The following RNF220 variants were observed in gnomAD, a reference collection of about 807,000 sequenced individuals.
RNF220 encodes E3 ubiquitin-protein ligase RNF220.
In RNF220, 7 loss-of-function variants were observed where a neutral mutation model predicts 67.1. The ratio of observed to expected loss-of-function variants is 0.10; its 90% CI spans 0.06 to 0.20. The LOEUF (loss-of-function observed/expected upper bound fraction) is 0.20, where lower values mean the gene tolerates loss of function less well. Among genes scored for constraint, RNF220 ranks in the 10% least tolerant of loss-of-function variants. The pLI, the probability that RNF220 is intolerant of heterozygous loss-of-function variation, is 1.00. For synonymous variants in RNF220, 270 were observed against 283.2 expected, an observed-to-expected ratio of 0.95 and a Z score of 0.47; for missense variants, 565 against 740.3, an observed-to-expected ratio of 0.76 and a Z score of 2.75.
At chr1:44,562,855 C>G (rs1440439955) in intron 2 of RNF220, among the ~76,000 whole-genome samples, 1 of 152,196 alleles carries the variant, frequency 6.6e-6, no homozygotes, top group Non-Finnish European at 1.5e-5. Flanking sequence ...TCTTCCATCC[C>G]CATCCAAGAG....
chr1:44,608,361 C>T (rs910574211), intron 2 of RNF220, among the ~76,000 whole-genome samples: 1 of 152,224 alleles, frequency 6.6e-6, no homozygotes, highest in South Asian at 2.1e-4. Context: ...ATAGCGACCC[C>T]TAATGGGCAT....
intron 2 of RNF220, among the ~76,000 whole-genome samples, chr1:44,438,584 G>C (rs1481471833): frequency 4.6e-5 from 7 of 152,176 alleles, no homozygotes; most frequent in African/African-American, 1.7e-4. Flanking sequence ...ATACAGGTAA[G>C]GTCTAGGCTC....
Position 44,649,602 on chromosome 1 carries a change from G to A in RNF220, c.1446-59G>A. On this transcript the variant is annotated intron_variant, in intron 12 of 14. Transcript: ENST00000361799. The surrounding 1 kb of genome is among the most constrained non-coding windows in gnomAD (Gnocchi z 5.9). ...GTTCTGGAATTCAAGGGAGGCGTAG[G>A]CTGGAGGTACAGATGAGAGATGCCA... is the stretch of plus-strand genomic sequence containing the variant. The A allele has an allele frequency of 6.7e-7, 1 of 1,492,112 alleles. No homozygotes were observed. Among genetic ancestry groups the A allele is most frequent in the South Asian group, 1.1e-5 (1 of 88,526 alleles). The allele number at this position is 1,492,112 out of a possible 1,614,324, so 92.4% of individuals were successfully genotyped here. A position where few individuals can be genotyped will look rare whatever the true frequency, so the allele number is the denominator to read the frequency against.
chr1:44,457,724 T>C (rs1468479496), intron 2 of RNF220, among the ~76,000 whole-genome samples: 1 of 152,188 alleles, frequency 6.6e-6, no homozygotes, highest in Non-Finnish European at 1.5e-5. Flanking sequence ...GAGAAGTCCT[T>C]CTCATTCAGC....
intron 2 of RNF220, among the ~76,000 whole-genome samples, chr1:44,539,317 A>G (rs1232665451): frequency 6.6e-6 from 1 of 152,136 alleles, no homozygotes; most frequent in South Asian, 2.1e-4. Flanking sequence ...TGAGCATCCC[A>G]TCTCAGTCTC....
chr1:44,573,105 A>G (rs1295543309), intron 2 of RNF220: 1 of 171,092 alleles, frequency 5.8e-6, no homozygotes, highest in African/African-American at 2.4e-5. Flanking sequence ...GATATAATAT[A>G]AATTATATAA....
rs192145078 is a variant in RNF220 at position 44,584,887 on chromosome 1, C to T, written c.626-29278C>T. On this transcript the variant is annotated intron_variant, in intron 2 of 14. Transcript: ENST00000361799. ...CTACTTTTTGTATTTTTAGTAGAGACGGGGTTTCACCATGTTGGCCAGGCT... is the reference window on the plus strand; with the variant it reads ...CTACTTTTTGTATTTTTAGTAGAGATGGGGTTTCACCATGTTGGCCAGGCT... 1.4e-3 allele frequency among the ~76,000 whole-genome samples: 209 copies of T among 152,180 alleles called. 1 individual carries two copies. Among genetic ancestry groups the T allele is most frequent in the African/African-American group, 4.7e-3 (196 of 41,528 alleles).
intron 2 of RNF220, among the ~76,000 whole-genome samples, chr1:44,577,316 C>T (rs1358092689): frequency 6.6e-6 from 1 of 152,026 alleles, no homozygotes; most frequent in Non-Finnish European, 1.5e-5. Context: ...CCCGCTGCCA[C>T]CTCTCCTCCC....
intron 2 of RNF220, among the ~76,000 whole-genome samples, chr1:44,554,543 G>C (rs1414706888): frequency 6.6e-6 from 1 of 152,096 alleles, no homozygotes; most frequent in African/African-American, 2.4e-5. Context: ...TCAGACCCAA[G>C]GACAGGAAAC....
rs1402424555 is a variant in RNF220, at chr1:44,614,240, G to A, written c.701G>A (p.Ser234Asn). 3 of 1,614,118 alleles carry A rather than the reference G, an allele frequency of 1.9e-6. No individual in the cohort carries two copies. The highest frequency in any genetic ancestry group is 2.7e-5 in the African/African-American group (2 of 74,960). Residue 234 changes from serine (S) to asparagine (N), a missense_variant, in exon 3 of 15, where the codon AGT becomes AAT. Physicochemically the swap from Ser to Asn is conservative, Grantham distance 46. Coordinates refer to ENST00000361799, the MANE Select transcript of RNF220 (RefSeq NM_018150.4). Reference sequence around the variant, plus strand: ...ATCTGCCAGGTCCTGCTGAGGCCCAGTGAGCTGCAGGAGCATATGGAGCAG... The same window carrying A: ...ATCTGCCAGGTCCTGCTGAGGCCCAATGAGCTGCAGGAGCATATGGAGCAG... The part of the protein sequence containing the change: ...CPICQVLLRP[S>N]ELQEHMEQEL...
intron 2 of RNF220, among the ~76,000 whole-genome samples, chr1:44,474,779 C>T (rs757348038): frequency 6.6e-6 from 1 of 152,032 alleles, no homozygotes; most frequent in Non-Finnish European, 1.5e-5. Flanking sequence ...ATTTACATAG[C>T]ATTTGCATTA....
chr1:44,632,629 G>A (rs181289398), intron 6 of RNF220: 1 of 583,602 alleles, frequency 1.7e-6, no homozygotes, highest in African/African-American at 1.9e-5. Context: ...ACCCTGGGGG[G>A]GCAATAAGTG....
chr1:44,488,159 A>G (rs1336633419), intron 2 of RNF220, among the ~76,000 whole-genome samples: 1 of 141,672 alleles, frequency 7.1e-6, no homozygotes. Flanking sequence ...TTTTTGAGAC[A>G]GAGTCTCACT....
chr1:44,465,110 G>A (rs1319997533), intron 2 of RNF220, among the ~76,000 whole-genome samples: 1 of 151,978 alleles, frequency 6.6e-6, no homozygotes, highest in Non-Finnish European at 1.5e-5. Flanking sequence ...AAGGAGATGG[G>A]GTTTCAGTTC....
chr1:44,511,282 G>A (rs1490413226), intron 2 of RNF220, among the ~76,000 whole-genome samples: 1 of 152,204 alleles, frequency 6.6e-6, no homozygotes, highest in Non-Finnish European at 1.5e-5. Context: ...GCCACCAGAA[G>A]AGAGATCCCC....
chr1:44,442,226 C>G lies in RNF220; in HGVS notation c.625+29504C>G, dbSNP rs1202863687. On this transcript the variant is annotated intron_variant, in intron 2 of 14. Coordinates refer to ENST00000361799, the MANE Select transcript of RNF220 (RefSeq NM_018150.4). The stretch of plus-strand genomic sequence containing the variant: ...CACTGCAGCCTCGGCCTCCCTTCCT[C>G]AAACTCCCTAGGCTTAGGTGATCCT... 3.3e-5 allele frequency among the ~76,000 whole-genome samples: 5 copies of G among 152,092 alleles called. No homozygotes were observed. The East Asian group carries it at 9.6e-4, about 29-fold the overall frequency.
chr1:44,490,771 A>G (rs1024470826), intron 2 of RNF220, among the ~76,000 whole-genome samples: 2 of 152,114 alleles, frequency 1.3e-5, no homozygotes, highest in Non-Finnish European at 2.9e-5. Context: ...GAATTGAAAG[A>G]CAAAGAAGAA....
At chr1:44,450,357 G>T (rs1355396882) in intron 2 of RNF220, among the ~76,000 whole-genome samples, 1 of 151,482 alleles carries the variant, frequency 6.6e-6, no homozygotes, top group Non-Finnish European at 1.5e-5. Context: ...ATAAATTCAT[G>T]CCCATTGCAA....
At chr1:44,571,065 C>A (rs1664407666) in intron 2 of RNF220, among the ~76,000 whole-genome samples, 1 of 146,288 alleles carries the variant, frequency 6.8e-6, no homozygotes, top group South Asian at 2.3e-4. Context: ...CAGAGAGAGA[C>A]TCCATCTGAA....
Sources: allele counts gnomAD v4.1 joint callset (sites outside exome capture counted in the v4.1 genomes callset), GRCh38; gene constraint gnomAD v4.1.1; non-coding constraint Gnocchi (gnomAD v3.1); transcripts MANE v1.5; gene names NCBI Gene and HGNC (gene_info 2026-07-23, HGNC 2026-07-21).